The following CNTN5 variants were observed in gnomAD, a reference collection of about 807,000 sequenced individuals.
CNTN5 encodes contactin 5, also known as contactin-5.
A neutral mutation model predicts 129.1 loss-of-function variants in CNTN5; 77 were observed. The ratio of observed to expected loss-of-function variants is 0.60; its 90% confidence interval spans 0.50 to 0.72. The LOEUF (loss-of-function observed/expected upper bound fraction) is 0.72, where lower values mean the gene tolerates loss of function less well. CNTN5 is among the 30% of genes least tolerant of loss of function. CNTN5 has a pLI of 0.00. For synonymous variants in CNTN5, 509 were observed against 465.6 expected (o/e 1.09, Z -1.20); for missense variants, 1,478 against 1,328.8 (o/e 1.11, Z -1.75).
At chr11:99,844,603 A>T in intron 4 of CNTN5, 1 of 455,954 alleles carries the variant, frequency 2.2e-6, no homozygotes, top group East Asian at 5.3e-5. Flanking sequence ...TTTAAAATAT[A>T]AATGTCTGAG....
At chr11:100,085,148 G>A (rs942903245) in intron 13 of CNTN5, among the ~76,000 whole-genome samples, 1 of 152,032 alleles carries the variant, frequency 6.6e-6, no homozygotes, top group African/African-American at 2.4e-5. Context: ...GAGAAATTCT[G>A]TCTGGGTGTG....
At chr11:100,107,819 C>T (rs1945502470) in intron 13 of CNTN5, among the ~76,000 whole-genome samples, 1 of 151,848 alleles carries the variant, frequency 6.6e-6, no homozygotes, top group Non-Finnish European at 1.5e-5. Flanking sequence ...CAAATGTATA[C>T]ACATACATTT....
chr11:99,315,142 A>G (rs536108256), intron 1 of CNTN5, among the ~76,000 whole-genome samples: 1 of 149,560 alleles, frequency 6.7e-6, no homozygotes, highest in East Asian at 2.0e-4. Context: ...TAGTCATGGA[A>G]GAATAAAAGC....
intron 1 of CNTN5, among the ~76,000 whole-genome samples, chr11:99,191,436 G>A (rs536774867): frequency 2.0e-5 from 3 of 151,614 alleles, no homozygotes; most frequent in African/African-American, 7.3e-5. Context: ...TTAAGTGAAA[G>A]GAAACATCTG....
chr11:99,123,878 G>C (rs149598604), intron 1 of CNTN5, among the ~76,000 whole-genome samples: 14 of 151,854 alleles, frequency 9.2e-5, no homozygotes, highest in African/African-American at 3.4e-4. Flanking sequence ...ATTATTTCTG[G>C]ACTCTGTTCT....
At chr11:99,707,900 A>G (rs1323170190) in intron 3 of CNTN5, among the ~76,000 whole-genome samples, 3 of 151,566 alleles carry the variant, frequency 2.0e-5, no homozygotes, top group Admixed American at 6.6e-5. Context: ...TATCATTATT[A>G]ATAGAATAAT....
At chr11:99,454,038 C>A (rs188952196) in intron 2 of CNTN5, among the ~76,000 whole-genome samples, 14 of 152,234 alleles carry the variant, frequency 9.2e-5, no homozygotes, top group Admixed American at 7.2e-4. Context: ...ATGAAATACC[C>A]AGCTCTAAAA....
chr11:99,386,271 T>C (rs1186460032), intron 2 of CNTN5, among the ~76,000 whole-genome samples: 3 of 152,130 alleles, frequency 2.0e-5, no homozygotes, highest in Non-Finnish European at 4.4e-5. Context: ...GAATTCAGGA[T>C]GAGTCCACAG....
intron 3 of CNTN5, among the ~76,000 whole-genome samples, chr11:99,665,290 T>C (rs1952743100): frequency 1.3e-5 from 2 of 152,044 alleles, no homozygotes. Context: ...GTTAAGAAAG[T>C]TAGAGAGCAT....
chr11:100,286,482 C>G (rs796759871), intron 18 of CNTN5, among the ~76,000 whole-genome samples: 1 of 150,572 alleles, frequency 6.6e-6, no homozygotes, highest in Non-Finnish European at 1.5e-5. Context: ...GGAGGCACCC[C>G]CCAGCAGGGG....
chr11:99,022,151 T>A (rs2135052058), intron 1 of CNTN5, among the ~76,000 whole-genome samples: 1 of 152,320 alleles, frequency 6.6e-6, no homozygotes, highest in South Asian at 2.1e-4. Context: ...ATTCATTTGT[T>A]TCTTAATTTA....
chr11:99,136,892 T>A (rs1486371004), intron 1 of CNTN5, among the ~76,000 whole-genome samples: 2 of 152,146 alleles, frequency 1.3e-5, no homozygotes, highest in Admixed American at 6.6e-5. Flanking sequence ...CATTATATCA[T>A]GACTGAATTA....
At chr11:99,580,027 G>C (rs1279638027) in intron 3 of CNTN5, among the ~76,000 whole-genome samples, 3 of 34,170 alleles carry the variant, frequency 8.8e-5, no homozygotes, top group Non-Finnish European at 2.0e-4. Context: ...TTTATTGAGA[G>C]TTTTTAGCAT....
chr11:100,058,685 C>T (rs1051188881), intron 9 of CNTN5, among the ~76,000 whole-genome samples: 1 of 151,962 alleles, frequency 6.6e-6, no homozygotes, highest in Non-Finnish European at 1.5e-5. Flanking sequence ...GAAAGGTATT[C>T]GAAGATACGT....
intron 2 of CNTN5, among the ~76,000 whole-genome samples, chr11:99,369,233 TTTCAAAGGAGCAG>T (rs1939679147): frequency 1.1e-5 from 1 of 90,218 alleles, no homozygotes; most frequent in Admixed American, 1.1e-4. Context: ...TATATATGTA[TTTCAAAGGAGCAG>T]ATAAATAAAG....
chr11:100,299,312 C>A lies in CNTN5; in HGVS notation c.2536C>A (p.Pro846Thr). The A allele has an allele frequency of 6.2e-7, 1 of 1,610,524 alleles. No individual in the cohort carries two copies. Among genetic ancestry groups the A allele is most frequent in the South Asian group, 1.1e-5 (1 of 91,002 alleles). Residue 846 changes from proline to threonine, a missense_variant, in exon 20 of 25, where the codon CCC becomes ACC. Coordinates refer to ENST00000524871, the MANE Select transcript of CNTN5 (RefSeq NM_014361.4). Reference sequence around the variant, plus strand: ...AGATGAAAGTGTCCCTCCTCTTACTCCCTTTGAAGTGAAAGTTGGCGTTTA... The same window carrying A: ...AGATGAAAGTGTCCCTCCTCTTACTACCTTTGAAGTGAAAGTTGGCGTTTA... The part of the protein sequence containing the change: ...YRDESVPPLT[P>T]FEVKVGVYNN...
intron 16 of CNTN5, among the ~76,000 whole-genome samples, chr11:100,231,384 T>C (rs1265973636): frequency 1.3e-5 from 2 of 152,114 alleles, no homozygotes; most frequent in Non-Finnish European, 2.9e-5. Flanking sequence ...GGTGTGTATA[T>C]ATTCAAAAGA....
intron 6 of CNTN5, among the ~76,000 whole-genome samples, chr11:99,911,284 A>G (rs1270828233): frequency 2.6e-5 from 4 of 152,006 alleles, no homozygotes; most frequent in Non-Finnish European, 5.9e-5. Context: ...CTGATAGTCT[A>G]AAACTCATTA....
At chr11:99,661,738 C>T (rs1952600468) in intron 3 of CNTN5, among the ~76,000 whole-genome samples, 2 of 151,930 alleles carry the variant, frequency 1.3e-5, no homozygotes, top group African/African-American at 2.4e-5. Flanking sequence ...ATAAATGTAT[C>T]AAAGATTATT....
Sources: gnomAD v4.1 joint callset for allele counts (sites outside exome capture counted in the v4.1 genomes callset) on GRCh38, gnomAD v4.1.1 for gene constraint, MANE v1.5 for transcripts, NCBI Gene and HGNC (gene_info 2026-07-23, HGNC 2026-07-21) for gene names.